RBMS3: variants seen among roughly 807,000 people sequenced by gnomAD.
RBMS3 encodes RNA-binding motif, single-stranded-interacting protein 3.
Under a neutral mutation model 66.8 loss-of-function variants are expected in RBMS3, and 27 were observed. The observed-to-expected ratio is 0.40, with a 90% CI of 0.30 to 0.56. The LOEUF is 0.56. Among genes scored for constraint, RBMS3 ranks in the 20% least tolerant of loss-of-function variants. The pLI, the probability that RBMS3 is intolerant of heterozygous loss-of-function variation, is 0.40. For missense variants in RBMS3, 513 were observed against 549.5 expected (o/e 0.93, Z 0.66); for synonymous variants, 188 against 183.0 (o/e 1.03, Z -0.22).
At chr3:29,697,500 G>A (rs1400177667) in intron 4 of RBMS3, among the ~76,000 whole-genome samples, 1 of 152,148 alleles carries the variant, frequency 6.6e-6, no homozygotes, top group Non-Finnish European at 1.5e-5. Flanking sequence ...TGAACTGACA[G>A]GAGTTTATTT....
At chr3:29,391,795 A>T (rs561938865) in intron 1 of RBMS3, among the ~76,000 whole-genome samples, 13 of 152,352 alleles carry the variant, frequency 8.5e-5, no homozygotes, top group Non-Finnish European at 1.8e-4. Context: ...AGTTTTACAA[A>T]AATAGTCACC....
At chr3:29,396,208 C>A (rs1466120662) in intron 1 of RBMS3, among the ~76,000 whole-genome samples, 1 of 152,044 alleles carries the variant, frequency 6.6e-6, no homozygotes, top group East Asian at 1.9e-4. Flanking sequence ...ACGAATCATG[C>A]ATAATCTGAA....
intron 6 of RBMS3, among the ~76,000 whole-genome samples, chr3:29,812,800 G>A (rs902645967): frequency 2.6e-5 from 4 of 152,084 alleles, no homozygotes; most frequent in Admixed American, 1.3e-4. Context: ...ATGGAAAGAC[G>A]ATGTCTCCTA....
chr3:29,505,162 T>C (rs1007792876), intron 3 of RBMS3, among the ~76,000 whole-genome samples: 8 of 152,046 alleles, frequency 5.3e-5, no homozygotes, highest in Non-Finnish European at 1.0e-4. Flanking sequence ...TTCGGCTGTG[T>C]TTTCTTCTAG....
intron 4 of RBMS3, among the ~76,000 whole-genome samples, chr3:29,643,206 C>T (rs1164897522): frequency 1.3e-5 from 2 of 152,044 alleles, no homozygotes; most frequent in Admixed American, 1.3e-4. Flanking sequence ...AATCTGACAG[C>T]CACAGTCAGG....
chr3:29,532,262 G>GTATATATATATATATATATATATA (rs869225843), intron 3 of RBMS3, among the ~76,000 whole-genome samples: 6 of 62,686 alleles, frequency 9.6e-5, no homozygotes, highest in South Asian at 6.1e-4. Context: ...ATATATATAT[G>GTATATATATATATATATATATATA]TATATATATA....
chr3:29,472,477 T>G (rs1288861064), intron 2 of RBMS3, among the ~76,000 whole-genome samples: 1 of 152,154 alleles, frequency 6.6e-6, no homozygotes, highest in Non-Finnish European at 1.5e-5. Context: ...GTGTCCGGAA[T>G]TGGTGGGTTC....
At chr3:29,989,954 A>C (rs1297664212) in intron 13 of RBMS3, among the ~76,000 whole-genome samples, 1 of 152,178 alleles carries the variant, frequency 6.6e-6, no homozygotes, top group South Asian at 2.1e-4. Context: ...CATTTTGATG[A>C]TTATTATGAG....
chr3:29,833,605 G>A (rs2058428647), intron 6 of RBMS3, among the ~76,000 whole-genome samples: 1 of 152,004 alleles, frequency 6.6e-6, no homozygotes, highest in Non-Finnish European at 1.5e-5. Flanking sequence ...TGAACTTGAA[G>A]ATATATCATT....
intron 5 of RBMS3, among the ~76,000 whole-genome samples, chr3:29,755,762 T>G (rs1345753369): frequency 6.6e-6 from 1 of 152,160 alleles, no homozygotes; most frequent in Non-Finnish European, 1.5e-5. Flanking sequence ...CTCTCTACTC[T>G]TGCCTTTTGA....
At chr3:29,593,969 G>A (rs2047857013) in intron 4 of RBMS3, among the ~76,000 whole-genome samples, 1 of 152,110 alleles carries the variant, frequency 6.6e-6, no homozygotes. Context: ...ATATGGAGAT[G>A]GTAGTATTTT....
chr3:29,383,263 A>G (rs35831051), intron 1 of RBMS3, among the ~76,000 whole-genome samples: 61,897 of 152,116 alleles, frequency 0.41, 13,361 homozygotes, highest in Middle Eastern at 0.54. Context: ...TTGACACTTG[A>G]GTGGAAATAT....
chr3:29,805,649 T>C (rs573974334), intron 6 of RBMS3, among the ~76,000 whole-genome samples: 54 of 152,106 alleles, frequency 3.6e-4, no homozygotes, highest in African/African-American at 1.2e-3. Context: ...ACAGTATAAA[T>C]ACTAATTTTA....
intron 2 of RBMS3, among the ~76,000 whole-genome samples, chr3:29,460,805 G>A (rs1162122675): frequency 6.6e-6 from 1 of 152,184 alleles, no homozygotes; most frequent in Non-Finnish European, 1.5e-5. Context: ...GAGGGAGGCT[G>A]GGTTAGAGAT....
At chr3:29,969,320 A>G (rs1042764603) in intron 12 of RBMS3, among the ~76,000 whole-genome samples, 2 of 152,196 alleles carry the variant, frequency 1.3e-5, no homozygotes, top group East Asian at 3.9e-4. Context: ...AATTCATATG[A>G]TCTCCCCAAC....
chr3:29,678,281 T>G (rs891101704), intron 4 of RBMS3, among the ~76,000 whole-genome samples: 3 of 152,184 alleles, frequency 2.0e-5, no homozygotes, highest in Non-Finnish European at 4.4e-5. Context: ...ATAGGAGTTT[T>G]GCTTTCAAGT....
chr3:29,606,718 G>A (rs1331105657), intron 4 of RBMS3, among the ~76,000 whole-genome samples: 1 of 151,890 alleles, frequency 6.6e-6, no homozygotes, highest in Non-Finnish European at 1.5e-5. Flanking sequence ...CTGTTTCTGA[G>A]TTTTTCTGTA....
intron 3 of RBMS3, among the ~76,000 whole-genome samples, chr3:29,495,641 C>G (rs929659694): frequency 1.3e-5 from 2 of 151,854 alleles, no homozygotes; most frequent in Admixed American, 1.3e-4. Context: ...GCTGGTTGAA[C>G]TCCTGACCTC....
chr3:29,505,506 G>GT (rs749285833), intron 3 of RBMS3, among the ~76,000 whole-genome samples: 10,541 of 106,990 alleles, frequency 0.099, 492 homozygotes, highest in African/African-American at 0.15. Flanking sequence ...CTTCAATTTT[G>GT]TTTTTTTTTT....
Sources: allele counts gnomAD v4.1 joint callset (sites outside exome capture counted in the v4.1 genomes callset), GRCh38; gene constraint gnomAD v4.1.1; transcripts MANE v1.5; gene names NCBI Gene and HGNC (gene_info 2026-07-23, HGNC 2026-07-21).